The following MBOAT2 variants were observed in gnomAD, a reference collection of about 807,000 sequenced individuals.
MBOAT2 encodes the protein membrane bound glycerophospholipid O-acyltransferase 2.
A neutral mutation model predicts 63.4 loss-of-function variants in MBOAT2; 28 were observed. The ratio of observed to expected loss-of-function variants is 0.44; its 90% CI spans 0.33 to 0.61. MBOAT2 has a LOEUF of 0.61. MBOAT2 is among the 20% of genes least tolerant of loss of function. The probability of loss-of-function intolerance (pLI) is 0.03; values close to 1 mark genes in which losing one functional copy is unlikely to be tolerated. For synonymous variants in MBOAT2, 211 were observed against 215.6 expected, an observed-to-expected ratio of 0.98 and a Z score of 0.19; for missense variants, 470 against 605.8, an observed-to-expected ratio of 0.78 and a Z score of 2.35.
intron 2 of MBOAT2, among the ~76,000 whole-genome samples, chr2:8,953,140 G>T (rs1004013612): frequency 3.9e-5 from 6 of 152,242 alleles, no homozygotes; most frequent in African/African-American, 1.2e-4. Context: ...CTCCCTTAAG[G>T]ATCTAAGGCT....
intron 6 of MBOAT2, among the ~76,000 whole-genome samples, chr2:8,881,459 G>T (rs530559705): frequency 1.3e-5 from 2 of 152,294 alleles, no homozygotes; most frequent in South Asian, 4.1e-4. Flanking sequence ...AATTCAAAAT[G>T]AGTCCAGTCA....
chr2:9,003,622 C>G lies in MBOAT2; in HGVS notation c.-8G>C. 8.5e-7 allele frequency: 1 copy of G among 1,172,306 alleles called. No individual in the cohort carries two copies. Among genetic ancestry groups the G allele is most frequent in the Non-Finnish European group, 1.1e-6 (1 of 951,160 alleles). The allele number at this position is 1,172,306 out of a possible 1,614,324, so 72.6% of individuals were successfully genotyped here. ...GGTGCTGGTGGTGGCCATGGCCGGGCCTCGGCGCTCCGGCCGCCCGCGCCG... is the reference window on the plus strand; with the variant it reads ...GGTGCTGGTGGTGGCCATGGCCGGGGCTCGGCGCTCCGGCCGCCCGCGCCG... On this transcript the variant is annotated 5_prime_UTR_variant, in exon 1 of 13. Transcript: ENST00000305997. The surrounding 1 kb of genome is among the most constrained non-coding windows in gnomAD (Gnocchi z 5.4).
chr2:8,894,109 C>G (rs1664232147), intron 4 of MBOAT2, among the ~76,000 whole-genome samples: 1 of 152,116 alleles, frequency 6.6e-6, no homozygotes, highest in Admixed American at 6.5e-5. Context: ...CTAGCCCCCA[C>G]CCGCCGACAG....
rs538869219 is a variant in MBOAT2 at position 8,974,747 on chromosome 2, T to C, written c.76-16105A>G. On this transcript the variant is annotated intron_variant, in intron 1 of 12. Coordinates refer to ENST00000305997, the MANE Select transcript of MBOAT2 (RefSeq NM_138799.4). ...TTTTTAAAATAATACATGCTTGCTT[T>C]CAAATTTCCAAACAAGAAGCTAAGC... Among the ~76,000 whole-genome samples the C allele has an allele frequency of 3.9e-5, 6 of 152,280 alleles. No individual in the cohort carries two copies. In the South Asian group the frequency reaches 1.2e-3, roughly 32 times the overall value.
intron 3 of MBOAT2, among the ~76,000 whole-genome samples, chr2:8,932,193 T>C (rs964823197): frequency 6.6e-6 from 1 of 152,192 alleles, no homozygotes; most frequent in South Asian, 2.1e-4. Context: ...ATTCTAAAGT[T>C]ATATTTTTAG....
Position 9,003,066 on chromosome 2 carries a change from C to A in MBOAT2, c.75+474G>T, listed in dbSNP as rs1040323625. 6.6e-6 allele frequency among the ~76,000 whole-genome samples: 1 copy of A among 152,168 alleles called. No homozygotes were observed. The highest frequency in any genetic ancestry group is 2.4e-5 in the African/African-American group (1 of 41,460). On this transcript the variant is annotated intron_variant, in intron 1 of 12. Coordinates refer to ENST00000305997, the MANE Select transcript of MBOAT2 (RefSeq NM_138799.4). This position sits in a 1 kb window ranked among gnomAD's most constrained non-coding sequence, Gnocchi z 5.4. ...TCTAAGGCACCCAGCACACCCAGAC[C>A]CATGCATCAGCCTCTCCGGGGGTCG...
At chr2:8,908,846 C>A in intron 3 of MBOAT2, 130 bp from the exon 4 acceptor site, 1 of 557,992 alleles carries the variant, frequency 1.8e-6, no homozygotes, top group Non-Finnish European at 3.2e-6. Context: ...TCTACAAACA[C>A]CCTTCTTTAA....
chr2:8,903,961 G>C (rs1003463386), intron 4 of MBOAT2, among the ~76,000 whole-genome samples: 3 of 151,926 alleles, frequency 2.0e-5, no homozygotes, highest in African/African-American at 7.2e-5. Context: ...GGGGGAATCA[G>C]TATCTTTTTT....
At chr2:8,908,246 A>C (rs1277011134) in intron 4 of MBOAT2, 1 of 159,422 alleles carries the variant, frequency 6.3e-6, no homozygotes, top group African/African-American at 2.4e-5. Flanking sequence ...TGAAGGAACA[A>C]ATGCCAGAAA....
At chr2:8,913,938 A>C (rs746890170) in intron 3 of MBOAT2, among the ~76,000 whole-genome samples, 44 of 152,258 alleles carry the variant, frequency 2.9e-4, no homozygotes, top group African/African-American at 9.6e-5. Flanking sequence ...CCCACCAATC[A>C]ACAAGTGGAT....
At chr2:8,889,425 GGGA>G (rs1481740365) in intron 4 of MBOAT2, among the ~76,000 whole-genome samples, 1 of 152,216 alleles carries the variant, frequency 6.6e-6, no homozygotes, top group African/African-American at 2.4e-5. Flanking sequence ...AAGTGCTTAA[GGGA>G]GGAGATTTCT....
chr2:8,877,642 A>G (rs1662792670), intron 6 of MBOAT2, among the ~76,000 whole-genome samples: 1 of 152,270 alleles, frequency 6.6e-6, no homozygotes, highest in Non-Finnish European at 1.5e-5. Flanking sequence ...GCAGAAAACA[A>G]TAATAAAATT....
rs1661088347 is a variant in MBOAT2 at position 8,856,388 on chromosome 2, GA to G, written c.*2290del. ...ATTAAGCCTTCTTGTTTTCACTTAT[GA>G]CATGCCTGAACCTGTCTTTTAAATT... is the stretch of plus-strand genomic sequence containing the variant. On this transcript the variant is annotated 3_prime_UTR_variant, in exon 13 of 13. Transcript: ENST00000305997. The surrounding 1 kb of genome is among the most constrained non-coding windows in gnomAD (Gnocchi z 4.2). 1 of 151,204 alleles carries G rather than the reference GA, an allele frequency of 6.6e-6. No homozygotes were observed. Among genetic ancestry groups the G allele is most frequent in the Non-Finnish European group, 1.5e-5 (1 of 67,852 alleles). 9.4% of individuals were successfully genotyped at this position (151,204 alleles called of 1,614,324 possible). A position where few individuals can be genotyped will look rare whatever the true frequency, so the allele number is the denominator to read the frequency against.
intron 1 of MBOAT2, among the ~76,000 whole-genome samples, chr2:9,002,451 C>T (rs560648917): frequency 6.6e-6 from 1 of 152,348 alleles, no homozygotes; most frequent in East Asian, 1.9e-4. Context: ...TCCCTGAAGA[C>T]TAAATGACAG....
At chr2:8,942,910 A>C (rs1432970030) in intron 3 of MBOAT2, among the ~76,000 whole-genome samples, 1 of 152,222 alleles carries the variant, frequency 6.6e-6, no homozygotes, top group Admixed American at 6.5e-5. Flanking sequence ...TGCTACTGGC[A>C]TCTAGGTGGT....
intron 1 of MBOAT2, among the ~76,000 whole-genome samples, chr2:8,999,673 C>A (rs1672552492): frequency 1.3e-5 from 2 of 152,174 alleles, no homozygotes; most frequent in Admixed American, 6.5e-5. Context: ...TTTCTCAGTC[C>A]ATTTCCCTCC....
chr2:8,868,045 C>T (rs1471484983), intron 9 of MBOAT2, among the ~76,000 whole-genome samples: 2 of 152,156 alleles, frequency 1.3e-5, no homozygotes, highest in Admixed American at 1.3e-4. Context: ...CCAGGCTGCT[C>T]CCTCTACTTG....
chr2:8,955,489 G>C (rs1669150295), intron 2 of MBOAT2, among the ~76,000 whole-genome samples: 1 of 152,202 alleles, frequency 6.6e-6, no homozygotes, highest in Admixed American at 6.5e-5. Context: ...AGGATCTGGG[G>C]TGTCCTTCAC....
intron 7 of MBOAT2, among the ~76,000 whole-genome samples, chr2:8,874,939 A>C (rs1437565116): frequency 3.3e-5 from 5 of 152,208 alleles, no homozygotes; most frequent in Non-Finnish European, 5.9e-5. Flanking sequence ...TGGAGCTTGG[A>C]TCTCTAACAC....
Sources: allele counts gnomAD v4.1 joint callset (sites outside exome capture counted in the v4.1 genomes callset), GRCh38; gene constraint gnomAD v4.1.1; non-coding constraint Gnocchi (gnomAD v3.1); transcripts MANE v1.5; gene names NCBI Gene and HGNC (gene_info 2026-07-23, HGNC 2026-07-21).